ROBO2: variants seen among roughly 807,000 people sequenced by gnomAD.
The protein encoded by ROBO2 is roundabout homolog 2.
ROBO2 carries 53 observed loss-of-function variants against 160.8 expected under a neutral mutation model. That is an observed-to-expected ratio of 0.33 (90% CI 0.26 to 0.41). The LOEUF (loss-of-function observed/expected upper bound fraction) is 0.41. Among genes scored for constraint, ROBO2 ranks in the 10% least tolerant of loss-of-function variants. The pLI is 1.00. For missense variants in ROBO2, 1,577 were observed against 1,722.4 expected (o/e 0.92, Z 1.49); for synonymous variants, 664 against 611.7 (o/e 1.09, Z -1.26).
chr3:76,078,603 G>A (rs2068719036), intron 2 of ROBO2, among the ~76,000 whole-genome samples: 1 of 152,060 alleles, frequency 6.6e-6, no homozygotes, highest in Non-Finnish European at 1.5e-5. Context: ...GAACTCAAGA[G>A]ATCCTCCTTC....
intron 2 of ROBO2, among the ~76,000 whole-genome samples, chr3:76,293,603 T>C (rs1231537980): frequency 6.6e-6 from 1 of 152,142 alleles, no homozygotes; most frequent in Non-Finnish European, 1.5e-5. Context: ...GACTGATTGA[T>C]TATGTGGAAG....
At chr3:76,215,850 C>T (rs1703484652) in intron 2 of ROBO2, among the ~76,000 whole-genome samples, 1 of 152,078 alleles carries the variant, frequency 6.6e-6, no homozygotes, top group Non-Finnish European at 1.5e-5. Flanking sequence ...CTCCAAGACA[C>T]ATAACTGGCA....
chr3:76,011,812 G>T (rs1292032339), intron 2 of ROBO2, among the ~76,000 whole-genome samples: 3 of 152,092 alleles, frequency 2.0e-5, no homozygotes, highest in Non-Finnish European at 4.4e-5. Flanking sequence ...CTGTCTTTCA[G>T]CAATATCACC....
At chr3:77,252,831 A>AAAAAAAAAAATATATATATAT in intron 2 of ROBO2, among the ~76,000 whole-genome samples, 1 of 12,522 alleles carries the variant, frequency 8.0e-5, no homozygotes, top group African/African-American at 1.6e-4. Flanking sequence ...AAAAAAAAAA[A>AAAAAAAAAAATATATATATAT]ATATATATAT....
intron 2 of ROBO2, among the ~76,000 whole-genome samples, chr3:76,126,709 C>T (rs1280283498): frequency 6.6e-6 from 1 of 152,002 alleles, no homozygotes; most frequent in African/African-American, 2.4e-5. Context: ...CTACATTCTC[C>T]TTACTTTTGA....
chr3:76,649,195 G>T (rs1170571355), intron 2 of ROBO2, among the ~76,000 whole-genome samples: 1 of 152,000 alleles, frequency 6.6e-6, no homozygotes, highest in African/African-American at 2.4e-5. Flanking sequence ...TTGTGTCTTA[G>T]TTTTGTTTTG....
At chr3:77,591,745 T>G (rs2094185306) in intron 17 of ROBO2, among the ~76,000 whole-genome samples, 1 of 152,166 alleles carries the variant, frequency 6.6e-6, no homozygotes, top group African/African-American at 2.4e-5. Context: ...AAGTTACTAC[T>G]CTGTGATTAT....
chr3:77,232,707 G>A (rs1051452547), intron 2 of ROBO2, among the ~76,000 whole-genome samples: 1 of 152,074 alleles, frequency 6.6e-6, no homozygotes, highest in African/African-American at 2.4e-5. Flanking sequence ...TTTGTTGGTT[G>A]TTTTTGTCAA....
At chr3:76,348,504 G>T (rs1481393801) in intron 2 of ROBO2, among the ~76,000 whole-genome samples, 1 of 152,046 alleles carries the variant, frequency 6.6e-6, no homozygotes, top group Non-Finnish European at 1.5e-5. Flanking sequence ...CATTTAAGAA[G>T]AATTAGGCTA....
intron 2 of ROBO2, among the ~76,000 whole-genome samples, chr3:77,133,234 A>G (rs2076003588): frequency 6.6e-6 from 1 of 152,130 alleles, no homozygotes; most frequent in South Asian, 2.1e-4. Flanking sequence ...TGGAATAAAA[A>G]TTTTCCATTT....
At chr3:77,378,811 T>A (rs9879976) in intron 2 of ROBO2, among the ~76,000 whole-genome samples, 1 of 152,056 alleles carries the variant, frequency 6.6e-6, no homozygotes, top group Admixed American at 6.6e-5. Flanking sequence ...TCTGCATAGA[T>A]GCCCGAAAAA....
intron 2 of ROBO2, among the ~76,000 whole-genome samples, chr3:76,723,996 T>C (rs1195092953): frequency 6.6e-6 from 1 of 152,210 alleles, no homozygotes; most frequent in African/African-American, 2.4e-5. Context: ...CTCTTGCTTA[T>C]TGTACTCAGC....
chr3:76,756,042 A>G (rs1250141509), intron 2 of ROBO2, among the ~76,000 whole-genome samples: 3 of 151,872 alleles, frequency 2.0e-5, no homozygotes, highest in African/African-American at 7.2e-5. Flanking sequence ...AGCTTTGAGT[A>G]TGTGGCAATT....
rs1559761668 is a variant in ROBO2 at position 76,322,205 on chromosome 3, A to ATATATATAT, written c.109+384607_109+384608insTATATTATA. On this transcript the variant is annotated intron_variant, in intron 2 of 26. Coordinates refer to the ROBO2 transcript ENST00000487694. ...ATATATATATATATATATATATATA[A>ATATATATAT]TATACACACACATATATACACACAG... is the stretch of plus-strand genomic sequence containing the variant. Among the ~76,000 whole-genome samples the ATATATATAT allele has an allele frequency of 3.4e-4, 33 of 97,576 alleles. 1 individual carries two copies. Among genetic ancestry groups the ATATATATAT allele is most frequent in the South Asian group, 1.6e-3 (5 of 3,146 alleles). The allele number at this position is 97,576 out of a possible 152,430, so 64.0% of individuals were successfully genotyped here. A position where few individuals can be genotyped will look rare whatever the true frequency, so the allele number is the denominator to read the frequency against.
chr3:76,598,625 T>G lies in ROBO2; in HGVS notation c.110-499389T>G, dbSNP rs185974013. Among the ~76,000 whole-genome samples the G allele has an allele frequency of 1.7e-3, 262 of 152,258 alleles. 1 individual carries two copies. Among genetic ancestry groups the G allele is most frequent in the Admixed American group, 3.9e-3 (59 of 15,284 alleles). On this transcript the variant is annotated intron_variant, in intron 2 of 26. Coordinates refer to the ROBO2 transcript ENST00000487694. Reference sequence around the variant, plus strand: ...AAGTCCTTATGAATCTGTAATTATCTCAGTAAAAATTTCAATTAAGCGTGT... The same window carrying G: ...AAGTCCTTATGAATCTGTAATTATCGCAGTAAAAATTTCAATTAAGCGTGT...
At chr3:76,827,083 C>A (rs372011257) in intron 2 of ROBO2, among the ~76,000 whole-genome samples, 2 of 152,042 alleles carry the variant, frequency 1.3e-5, no homozygotes, top group Non-Finnish European at 2.9e-5. Flanking sequence ...CTTTTGTTTG[C>A]GAGGTAGAGT....
chr3:76,393,003 G>A (rs1057016965), intron 2 of ROBO2, among the ~76,000 whole-genome samples: 3 of 152,292 alleles, frequency 2.0e-5, no homozygotes, highest in Non-Finnish European at 4.4e-5. Flanking sequence ...AAATTTGGAT[G>A]TGAAGATGTA....
intron 23 of ROBO2, chr3:77,631,094 A>G (rs1444287443): frequency 6.6e-6 from 1 of 151,844 alleles, no homozygotes. Context: ...TTCTGGTGTT[A>G]TCTCGGCTTC....
chr3:77,460,526 G>A (rs556224814), intron 2 of ROBO2, among the ~76,000 whole-genome samples: 5 of 152,244 alleles, frequency 3.3e-5, no homozygotes, highest in African/African-American at 1.2e-4. Flanking sequence ...TTTAAGTACT[G>A]ACGATTTTTT....
Sources: allele counts gnomAD v4.1 joint callset (sites outside exome capture counted in the v4.1 genomes callset), GRCh38; gene constraint gnomAD v4.1.1; transcripts MANE v1.5; gene names NCBI Gene and HGNC (gene_info 2026-07-23, HGNC 2026-07-21).